The following ITCH variants were observed in gnomAD, a reference collection of about 807,000 sequenced individuals.
ITCH encodes the protein E3 ubiquitin-protein ligase Itchy homolog.
ITCH carries 28 observed loss-of-function variants against 126.8 expected under a neutral mutation model. The observed-to-expected ratio is 0.22, with a 90% CI of 0.16 to 0.30. The LOEUF (loss-of-function observed/expected upper bound fraction) is 0.30, where lower values mean the gene tolerates loss of function less well. Ranked by LOEUF, ITCH falls within the 10% of genes least tolerant of loss-of-function variation. ITCH has a pLI of 1.00. For missense variants in ITCH, 631 were observed against 1,032.4 expected (o/e 0.61, Z 5.33); for synonymous variants, 342 against 340.0 (o/e 1.01, Z -0.06).
At chr20:34,476,257 TTTATAAAGTGGACTGTCACTTTA>T (rs1988207086) in intron 16 of ITCH, 1 of 819,228 alleles carries the variant, frequency 1.2e-6, no homozygotes, top group East Asian at 2.4e-5. Flanking sequence ...ACCATCACAG[TTTATAAAGTGGACTGTCACTTTA>T]TCTTCTGAGC....
At chr20:34,443,102 A>G (rs573118457) in intron 10 of ITCH, among the ~76,000 whole-genome samples, 2 of 152,292 alleles carry the variant, frequency 1.3e-5, no homozygotes, top group South Asian at 4.1e-4. Context: ...GAGCCCAGTC[A>G]TATATTAAAA....
intron 3 of ITCH, among the ~76,000 whole-genome samples, chr20:34,396,234 A>G (rs1315128520): frequency 6.6e-6 from 1 of 151,876 alleles, no homozygotes; most frequent in Non-Finnish European, 1.5e-5. Flanking sequence ...GGGTTTCACC[A>G]TGTTGGCCAG....
intron 13 of ITCH, 92 bp downstream of exon 13, chr20:34,457,566 A>G (rs1054461367): frequency 1.1e-6 from 1 of 886,338 alleles, no homozygotes; most frequent in African/African-American, 1.7e-5. Flanking sequence ...TTCTTTTGCC[A>G]AAGACCTAAA....
At chr20:34,384,470 G>A (rs1009720011) in intron 2 of ITCH, among the ~76,000 whole-genome samples, 6 of 151,564 alleles carry the variant, frequency 4.0e-5, no homozygotes, top group South Asian at 2.1e-4. Context: ...TAGTAGAGAC[G>A]GGGTTTGACC....
chr20:34,476,083 G>C, intron 16 of ITCH: 1 of 1,041,054 alleles, frequency 9.6e-7, no homozygotes, highest in South Asian at 1.3e-5. Context: ...CTCCTCATCA[G>C]TGATTGCATC....
chr20:34,402,588 T>C, intron 3 of ITCH: 1 of 679,450 alleles, frequency 1.5e-6, no homozygotes, highest in Non-Finnish European at 2.8e-6. Context: ...CAGTCATAAT[T>C]GTTATTGCAT....
chr20:34,394,768 TA>T (rs1443666464), intron 3 of ITCH, among the ~76,000 whole-genome samples: 1 of 152,056 alleles, frequency 6.6e-6, no homozygotes, highest in East Asian at 1.9e-4. Context: ...CTCTTCTTCA[TA>T]GGGGAAAGGG....
At chr20:34,410,924 T>A (rs1170238581) in intron 4 of ITCH, among the ~76,000 whole-genome samples, 2 of 152,172 alleles carry the variant, frequency 1.3e-5, no homozygotes, top group African/African-American at 4.8e-5. Flanking sequence ...TTACAAACAT[T>A]TGGGAAACTT....
intron 9 of ITCH, 176 bp from the exon 10 acceptor site, chr20:34,442,032 C>T (rs992050938): frequency 2.5e-5 from 16 of 642,736 alleles, no homozygotes; most frequent in Non-Finnish European, 5.7e-6. Flanking sequence ...TGTGCCACTG[C>T]CTGAAGATTA....
intron 3 of ITCH, chr20:34,402,212 G>A (rs1601815024): frequency 7.0e-6 from 10 of 1,419,656 alleles, no homozygotes; most frequent in South Asian, 1.1e-5. Flanking sequence ...ATATTGCTTC[G>A]TCAAATACAT....
At chr20:34,472,869 C>T (rs576324296) in intron 16 of ITCH, among the ~76,000 whole-genome samples, 28 of 152,300 alleles carry the variant, frequency 1.8e-4, no homozygotes, top group African/African-American at 6.7e-4. Context: ...CACCCTAGTC[C>T]TTGCCCATTT....
intron 14 of ITCH, among the ~76,000 whole-genome samples, chr20:34,462,771 T>C (rs1465568239): frequency 1.3e-5 from 2 of 152,232 alleles, no homozygotes; most frequent in Non-Finnish European, 2.9e-5. Context: ...AACAATAACT[T>C]TAGCAGACCT....
chr20:34,494,086 G>A lies in ITCH; in HGVS notation c.2416+1489G>A, dbSNP rs564167026. ...TCTACTAAAAATACAAAAATTAGCC[G>A]GGCGTGTTGACGCACACTTGTAGCC... On this transcript the variant is annotated intron_variant, in intron 23 of 24. Coordinates refer to ENST00000374864, the MANE Select transcript of ITCH (RefSeq NM_031483.7). Among the ~76,000 whole-genome samples the A allele has an allele frequency of 8.1e-4, 124 of 152,258 alleles. 1 individual carries two copies. Among genetic ancestry groups the A allele is most frequent in the Non-Finnish European group, 1.6e-3 (106 of 68,030 alleles).
intron 9 of ITCH, among the ~76,000 whole-genome samples, chr20:34,441,008 C>T (rs577331757): frequency 7.2e-5 from 11 of 152,084 alleles, no homozygotes; most frequent in South Asian, 2.1e-4. Context: ...TGGTGGCTCA[C>T]GCCTGTAATA....
chr20:34,379,903 C>T (rs1457903802), intron 2 of ITCH, among the ~76,000 whole-genome samples: 1 of 141,246 alleles, frequency 7.1e-6, no homozygotes, highest in Non-Finnish European at 1.5e-5. Context: ...GGCCCCCCCC[C>T]CCCTTTTTTT....
intron 24 of ITCH, among the ~76,000 whole-genome samples, chr20:34,505,036 G>T (rs1465203388): frequency 2.0e-5 from 3 of 151,438 alleles, no homozygotes; most frequent in African/African-American, 7.3e-5. Context: ...GGGTTTTTTT[G>T]TTTGTTTGTT....
chr20:34,412,511 T>A lies in ITCH; in HGVS notation c.213-4T>A. ...ATATTTTTTCCCTCTTTTTTCACTT[T>A]TAGTATCGTTACCCCTGTGAGTAAA... On this transcript the variant is annotated splice_polypyrimidine_tract_variant and splice_region_variant and intron_variant, in intron 4 of 24. Coordinates refer to ENST00000374864, the MANE Select transcript of ITCH (RefSeq NM_031483.7). The A allele has an allele frequency of 6.3e-7, 1 of 1,582,440 alleles. No homozygotes were observed. Among genetic ancestry groups the A allele is most frequent in the Non-Finnish European group, 8.7e-7 (1 of 1,151,408 alleles).
chr20:34,395,669 C>T (rs1043781899), intron 3 of ITCH, among the ~76,000 whole-genome samples: 2 of 152,204 alleles, frequency 1.3e-5, no homozygotes, highest in African/African-American at 4.8e-5. Flanking sequence ...CTAGATTTGC[C>T]TATTCTGGAT....
At chr20:34,426,555 C>T (rs1981553756) in intron 7 of ITCH, among the ~76,000 whole-genome samples, 1 of 151,902 alleles carries the variant, frequency 6.6e-6, no homozygotes, top group African/African-American at 2.4e-5. Context: ...AAGCGATTCT[C>T]TTGCCTTAGC....
Sources: gnomAD v4.1 joint callset for allele counts (sites outside exome capture counted in the v4.1 genomes callset) on GRCh38, gnomAD v4.1.1 for gene constraint, MANE v1.5 for transcripts, NCBI Gene and HGNC (gene_info 2026-07-23, HGNC 2026-07-21) for gene names.